The following MICU1 variants were observed in gnomAD, a reference collection of about 807,000 sequenced individuals.
MICU1 encodes mitochondrial calcium uptake 1.
In MICU1, 45 loss-of-function variants were observed where a neutral mutation model predicts 56.8. The ratio of observed to expected loss-of-function variants is 0.79; its 90% CI spans 0.62 to 1.02. The LOEUF is 1.02. Ranked by LOEUF, MICU1 falls within the 50% of genes least tolerant of loss-of-function variation. The pLI is 0.00. For missense variants in MICU1, 504 were observed against 587.1 expected, an observed-to-expected ratio of 0.86 and a Z score of 1.46; for synonymous variants, 186 against 195.1, an observed-to-expected ratio of 0.95 and a Z score of 0.39.
At chr10:72,385,665 C>A (rs952469890) in intron 10 of MICU1, among the ~76,000 whole-genome samples, 1 of 152,184 alleles carries the variant, frequency 6.6e-6, no homozygotes, top group Non-Finnish European at 1.5e-5. Flanking sequence ...GAGCAGAATT[C>A]TGACGTGCCC....
Position 72,462,150 on chromosome 10 carries a change from G to A in MICU1, c.933+12950C>T, listed in dbSNP as rs144351489. Among the ~76,000 whole-genome samples, 201 of 152,060 alleles carry A rather than the reference G, an allele frequency of 1.3e-3. 1 individual carries two copies. The highest frequency in any genetic ancestry group is 4.6e-3 in the African/African-American group (191 of 41,458). ...GTACAGACAGCCCCCAACTTACAAT[G>A]GTCCCACTTAACAATTTTTGAACTT... On this transcript the variant is annotated intron_variant, in intron 8 of 11. Transcript: ENST00000361114.
At chr10:72,382,565 T>C (rs1763098923) in intron 10 of MICU1, among the ~76,000 whole-genome samples, 2 of 151,666 alleles carry the variant, frequency 1.3e-5, no homozygotes, top group Admixed American at 1.3e-4. Context: ...AGGGGGTGAG[T>C]ACATTAGGAG....
At chr10:72,494,836 T>C (rs1488867736) in intron 6 of MICU1, among the ~76,000 whole-genome samples, 3 of 150,074 alleles carry the variant, frequency 2.0e-5, no homozygotes, top group African/African-American at 7.5e-5. Flanking sequence ...ACTTCAGCCC[T>C]GATTCTAAAA....
At chr10:72,421,370 G>T (rs1864168888) in intron 9 of MICU1, among the ~76,000 whole-genome samples, 1 of 151,144 alleles carries the variant, frequency 6.6e-6, no homozygotes, top group Non-Finnish European at 1.5e-5. Context: ...CCTTCCCCGG[G>T]TTCAAGCGAT....
At chr10:72,453,518 C>CTTATTTAT (rs200766380) in intron 8 of MICU1, among the ~76,000 whole-genome samples, 1 of 151,866 alleles carries the variant, frequency 6.6e-6, no homozygotes. Flanking sequence ...CTTTATTTTA[C>CTTATTTAT]TTATTTATTT....
chr10:72,577,504 C>A (rs1564943970), intron 1 of MICU1, among the ~76,000 whole-genome samples: 1 of 146,364 alleles, frequency 6.8e-6, no homozygotes, highest in African/African-American at 2.6e-5. Context: ...AGCTAAACTC[C>A]GTCTCAAAAA....
chr10:72,591,335 C>T (rs1212679359), intron 1 of MICU1, among the ~76,000 whole-genome samples: 1 of 151,152 alleles, frequency 6.6e-6, no homozygotes, highest in Non-Finnish European at 1.5e-5. Flanking sequence ...AAAAGAAGAA[C>T]AAACTAAATC....
chr10:72,523,768 A>G (rs1250316128), intron 5 of MICU1: 3 of 1,352,582 alleles, frequency 2.2e-6, no homozygotes, highest in Non-Finnish European at 1.9e-6. Flanking sequence ...ACCATTAAAG[A>G]GCCCAAGCCT....
At chr10:72,599,764 C>CCA (rs1351899057) in intron 1 of MICU1, among the ~76,000 whole-genome samples, 1 of 152,100 alleles carries the variant, frequency 6.6e-6, no homozygotes, top group African/African-American at 2.4e-5. Flanking sequence ...CTATTATGTA[C>CCA]CACAATACCA....
At chr10:72,598,130 C>G (rs1035108734) in intron 1 of MICU1, among the ~76,000 whole-genome samples, 1 of 152,082 alleles carries the variant, frequency 6.6e-6, no homozygotes, top group African/African-American at 2.4e-5. Context: ...TTAAAAGTAG[C>G]TAATGCTATT....
intron 6 of MICU1, among the ~76,000 whole-genome samples, chr10:72,500,125 A>G (rs537157235): frequency 6.6e-6 from 1 of 151,734 alleles, no homozygotes; most frequent in Non-Finnish European, 1.5e-5. Flanking sequence ...CCAGATTTTC[A>G]TTAAGTCTGC....
intron 1 of MICU1, among the ~76,000 whole-genome samples, chr10:72,605,995 G>A (rs796246625): frequency 7.9e-5 from 12 of 151,866 alleles, no homozygotes; most frequent in Non-Finnish European, 1.6e-4. Flanking sequence ...GCTGGGCGTG[G>A]TGGCGCATGC....
At chr10:72,560,585 A>C (rs1840271695) in intron 3 of MICU1, 1 of 152,202 alleles carries the variant, frequency 6.6e-6, no homozygotes. Context: ...AACTTATGAC[A>C]TAAGCCAGGC....
intron 10 of MICU1, among the ~76,000 whole-genome samples, chr10:72,378,391 G>A (rs1262377135): frequency 2.6e-5 from 4 of 152,278 alleles, no homozygotes; most frequent in Non-Finnish European, 4.4e-5. Context: ...GATAGTAAGC[G>A]AGTTCTCATG....
chr10:72,596,933 C>T (rs1841397060), intron 1 of MICU1, among the ~76,000 whole-genome samples: 2 of 149,940 alleles, frequency 1.3e-5, no homozygotes, highest in Admixed American at 1.3e-4. Context: ...CTGATGTAAA[C>T]TATGGACTTT....
At chr10:72,523,961 T>C in intron 5 of MICU1, 1 of 1,353,010 alleles carries the variant, frequency 7.4e-7, no homozygotes, top group Middle Eastern at 1.9e-4. Flanking sequence ...TTGTTTCCCC[T>C]TAAGCCATTT....
Position 72,535,827 on chromosome 10 carries a change from G to C in MICU1, c.494-2038C>G, listed in dbSNP as rs112314077. ...CAGAAATATAGTGTGAATAACAAAT[G>C]CAAGTCACATGTGTAATTTAAAATT... On this transcript the variant is annotated intron_variant, in intron 4 of 11. Coordinates refer to ENST00000361114, the MANE Select transcript of MICU1 (RefSeq NM_001195518.2). Among the ~76,000 whole-genome samples, 427 of 152,210 alleles carry C rather than the reference G, an allele frequency of 2.8e-3. 1 individual carries two copies. Among genetic ancestry groups the C allele is most frequent in the African/African-American group, 9.8e-3 (406 of 41,540 alleles).
At chr10:72,622,217 C>T (rs1564516946) in intron 1 of MICU1, among the ~76,000 whole-genome samples, 1 of 150,362 alleles carries the variant, frequency 6.7e-6, no homozygotes, top group Non-Finnish European at 1.5e-5. Context: ...GCCACCGCGC[C>T]CGGCCCCAAG....
chr10:72,531,207 GA>G (rs1228457453), intron 5 of MICU1, among the ~76,000 whole-genome samples: 3 of 151,702 alleles, frequency 2.0e-5, no homozygotes, highest in Non-Finnish European at 4.4e-5. Context: ...GAGGGAGAGG[GA>G]AAAAAATTAT....
Sources: allele counts gnomAD v4.1 joint callset (sites outside exome capture counted in the v4.1 genomes callset), GRCh38; gene constraint gnomAD v4.1.1; transcripts MANE v1.5; gene names NCBI Gene and HGNC (gene_info 2026-07-23, HGNC 2026-07-21).